EPHA6: variants seen among roughly 807,000 people sequenced by gnomAD.
EPHA6 encodes the protein ephrin type-A receptor 6.
In EPHA6, 50 loss-of-function variants were observed where a neutral mutation model predicts 112.0. The ratio of observed to expected loss-of-function variants is 0.45; its 90% CI spans 0.36 to 0.56. EPHA6 has a LOEUF of 0.56. EPHA6 is among the 20% of genes least tolerant of loss of function. EPHA6 has a pLI of 0.00. For missense variants in EPHA6, 1,280 were observed against 1,417.4 expected (o/e 0.90, Z 1.56); for synonymous variants, 529 against 490.7 (o/e 1.08, Z -1.03).
At chr3:96,999,948 G>T (rs1287275381) in intron 3 of EPHA6, among the ~76,000 whole-genome samples, 1 of 151,732 alleles carries the variant, frequency 6.6e-6, no homozygotes, top group Non-Finnish European at 1.5e-5. Context: ...TACCCAAAAA[G>T]ATTTTCCTAT....
intron 3 of EPHA6, among the ~76,000 whole-genome samples, chr3:97,107,536 T>G (rs762659062): frequency 7.9e-5 from 12 of 152,214 alleles, no homozygotes; most frequent in Non-Finnish European, 1.5e-4. Flanking sequence ...TTCTCTAACT[T>G]CCATGAAGAT....
At chr3:97,702,225 A>G (rs1341237057) in intron 14 of EPHA6, among the ~76,000 whole-genome samples, 3 of 152,206 alleles carry the variant, frequency 2.0e-5, no homozygotes, top group South Asian at 2.1e-4. Context: ...GTGTTTTATT[A>G]TCTTTCAACT....
chr3:97,304,510 G>A (rs1162841478), intron 5 of EPHA6, among the ~76,000 whole-genome samples: 1 of 152,048 alleles, frequency 6.6e-6, no homozygotes, highest in Non-Finnish European at 1.5e-5. Flanking sequence ...CAAGGCTACA[G>A]TAACCAGAAC....
chr3:97,134,635 A>G (rs1227126838), intron 3 of EPHA6, among the ~76,000 whole-genome samples: 2 of 152,162 alleles, frequency 1.3e-5, no homozygotes, highest in Non-Finnish European at 1.5e-5. Flanking sequence ...ATGCTTTGTT[A>G]TTAAAGATGG....
intron 9 of EPHA6, among the ~76,000 whole-genome samples, chr3:97,479,663 CAT>C (rs1269845839): frequency 6.6e-6 from 1 of 152,054 alleles, no homozygotes; most frequent in Admixed American, 6.5e-5. Flanking sequence ...GGCTCTAAAA[CAT>C]GAGTTGATTT....
rs553884929 is a variant in EPHA6, at chr3:96,930,924, G to A, written c.451-56406G>A. 1.1e-4 allele frequency among the ~76,000 whole-genome samples: 16 copies of A among 147,198 alleles called. No homozygotes were observed. The East Asian group carries it at 2.3e-3, about 22-fold the overall frequency. On this transcript the variant is annotated intron_variant, in intron 2 of 17. Transcript: ENST00000389672. ...GGAGAATCACTTGAACCTGGGAGGCGGAGGTTGTGGTGAGCCAAGGTCACA... is the reference window on the plus strand; with the variant it reads ...GGAGAATCACTTGAACCTGGGAGGCAGAGGTTGTGGTGAGCCAAGGTCACA...
chr3:97,589,087 T>C (rs750184256), intron 11 of EPHA6, among the ~76,000 whole-genome samples: 18 of 152,066 alleles, frequency 1.2e-4, no homozygotes, highest in Non-Finnish European at 2.5e-4. Flanking sequence ...AGGATGGCTT[T>C]GAATGTGACC....
intron 3 of EPHA6, among the ~76,000 whole-genome samples, chr3:97,098,540 A>G (rs1446699474): frequency 6.6e-6 from 1 of 151,878 alleles, no homozygotes; most frequent in African/African-American, 2.4e-5. Context: ...TACATTTTAA[A>G]TGTGAATGTG....
intron 14 of EPHA6, among the ~76,000 whole-genome samples, chr3:97,692,773 A>G (rs301923): frequency 0.26 from 38,960 of 152,080 alleles, 5,193 homozygotes; most frequent in East Asian, 0.41. Context: ...AGTGACCTCA[A>G]TTTTCTGCTC....
chr3:97,626,899 T>G (rs2093861854), intron 13 of EPHA6, among the ~76,000 whole-genome samples: 1 of 151,794 alleles, frequency 6.6e-6, no homozygotes, highest in South Asian at 2.1e-4. Flanking sequence ...AGTGAGGCAG[T>G]TTTAGAAATG....
chr3:97,006,405 T>C (rs1199810280), intron 3 of EPHA6, among the ~76,000 whole-genome samples: 1 of 152,212 alleles, frequency 6.6e-6, no homozygotes, highest in Non-Finnish European at 1.5e-5. Context: ...GAGATGTTTA[T>C]AGTATTCTCC....
chr3:97,505,364 A>T (rs2092223167), intron 10 of EPHA6, among the ~76,000 whole-genome samples: 1 of 140,900 alleles, frequency 7.1e-6, no homozygotes. Flanking sequence ...ACAGGCCCTG[A>T]TGTGTGATGT....
intron 14 of EPHA6, among the ~76,000 whole-genome samples, chr3:97,653,391 G>A (rs767153457): frequency 6.6e-6 from 1 of 151,906 alleles, no homozygotes; most frequent in Non-Finnish European, 1.5e-5. Flanking sequence ...TGGCCAACAG[G>A]TATATGAAAA....
chr3:96,952,541 A>G (rs1050725991), intron 2 of EPHA6, among the ~76,000 whole-genome samples: 5 of 152,162 alleles, frequency 3.3e-5, no homozygotes, highest in Non-Finnish European at 7.3e-5. Context: ...CTCAGTATGA[A>G]AGATTTTACC....
At chr3:97,539,647 T>C (rs1202076956) in intron 11 of EPHA6, among the ~76,000 whole-genome samples, 2 of 152,190 alleles carry the variant, frequency 1.3e-5, no homozygotes, top group Non-Finnish European at 2.9e-5. Context: ...TCTCTTCTTT[T>C]TCTAAATCTG....
intron 15 of EPHA6, among the ~76,000 whole-genome samples, chr3:97,725,620 G>A (rs776402082): frequency 2.6e-5 from 4 of 152,040 alleles, no homozygotes; most frequent in East Asian, 1.9e-4. Flanking sequence ...AAGACCAGTC[G>A]GGCTTTAGAA....
chr3:97,421,389 T>G (rs1359019595), intron 6 of EPHA6, among the ~76,000 whole-genome samples: 5 of 152,134 alleles, frequency 3.3e-5, no homozygotes, highest in Non-Finnish European at 7.4e-5. Flanking sequence ...TTAAAGAAGT[T>G]AAATTTACAA....
intron 12 of EPHA6, among the ~76,000 whole-genome samples, chr3:97,592,955 C>T (rs1452602467): frequency 1.3e-5 from 2 of 152,180 alleles, no homozygotes; most frequent in Admixed American, 6.5e-5. Context: ...TCGCATAGTG[C>T]TGCCTCCTCT....
chr3:96,989,326 G>A (rs746811107), intron 3 of EPHA6, among the ~76,000 whole-genome samples: 3 of 152,158 alleles, frequency 2.0e-5, no homozygotes, highest in African/African-American at 4.8e-5. Context: ...ATATTTGCAT[G>A]AGAAGTCGGT....
Sources: gnomAD v4.1 joint callset for allele counts (sites outside exome capture counted in the v4.1 genomes callset) on GRCh38, gnomAD v4.1.1 for gene constraint, MANE v1.5 for transcripts, NCBI Gene and HGNC (gene_info 2026-07-23, HGNC 2026-07-21) for gene names.